Variants in RYK observed in about 807,000 individuals in gnomAD.
RYK encodes the protein inactive tyrosine-protein kinase RYK.
A neutral mutation model predicts 70.2 loss-of-function variants in RYK; 21 were observed. The ratio of observed to expected loss-of-function variants is 0.30; its 90% CI spans 0.21 to 0.43. RYK has a LOEUF of 0.43. Among genes scored for constraint, RYK ranks in the 20% least tolerant of loss-of-function variants. The pLI is 1.00. For missense variants in RYK, 604 were observed against 753.3 expected (o/e 0.80, Z 2.32); for synonymous variants, 267 against 278.0 (o/e 0.96, Z 0.39).
chr3:134,172,194 G>A (rs974064299), intron 13 of RYK, among the ~76,000 whole-genome samples: 1 of 152,070 alleles, frequency 6.6e-6, no homozygotes, highest in Non-Finnish European at 1.5e-5. Context: ...AAAGAGACGA[G>A]TGAATCCATC....
In RYK at chr3:134,186,709, CT is replaced by C. The variant is rs1028029564; in HGVS notation, c.1102+2127del. Among the ~76,000 whole-genome samples, 6 of 152,266 alleles carry C rather than the reference CT, an allele frequency of 3.9e-5. No homozygotes were observed. The East Asian group carries it at 9.6e-4, about 24-fold the overall frequency. Reference sequence around the variant, plus strand: ...TATCTTGTGAAACAGTCCAAGTATACTCATTGTGTTTTCTTATCACTATTAT... The same window carrying C: ...TATCTTGTGAAACAGTCCAAGTATACCATTGTGTTTTCTTATCACTATTAT... On this transcript the variant is annotated intron_variant, in intron 9 of 14. Transcript: ENST00000623711.
chr3:134,209,898 C>A, intron 3 of RYK, 69 bp from the exon 4 acceptor site: 8 of 1,114,534 alleles, frequency 7.2e-6, no homozygotes, highest in Non-Finnish European at 1.0e-5. Flanking sequence ...CAAAATGATT[C>A]TTTTAAACAT....
chr3:134,243,105 G>A (rs1274739747), intron 1 of RYK, among the ~76,000 whole-genome samples: 1 of 152,168 alleles, frequency 6.6e-6, no homozygotes, highest in African/African-American at 2.4e-5. Context: ...CTGAGATTTA[G>A]GAGAGAGGGG....
chr3:134,194,711 A>G (rs1030357057), intron 7 of RYK, among the ~76,000 whole-genome samples: 2 of 152,232 alleles, frequency 1.3e-5, no homozygotes, highest in African/African-American at 4.8e-5. Context: ...TAAGACCATC[A>G]AACAATTCCT....
intron 13 of RYK, among the ~76,000 whole-genome samples, chr3:134,164,465 C>G (rs955192620): frequency 3.3e-5 from 5 of 152,176 alleles, no homozygotes; most frequent in Non-Finnish European, 7.3e-5. Context: ...TGCTTTCTGT[C>G]ACTAGATAGT....
At chr3:134,241,102 G>T (rs933659960) in intron 1 of RYK, among the ~76,000 whole-genome samples, 1 of 148,764 alleles carries the variant, frequency 6.7e-6, no homozygotes, top group African/African-American at 2.5e-5. Context: ...AGGGTTGGTG[G>T]GGGAGGGAAA....
At chr3:134,163,345 C>G (rs1365701645) in intron 13 of RYK, among the ~76,000 whole-genome samples, 3 of 152,158 alleles carry the variant, frequency 2.0e-5, no homozygotes, top group Non-Finnish European at 4.4e-5. Flanking sequence ...TTTAGACAGA[C>G]TTATTCTATA....
chr3:134,224,509 G>A (rs1252543223), intron 1 of RYK, among the ~76,000 whole-genome samples: 1 of 152,232 alleles, frequency 6.6e-6, no homozygotes, highest in Non-Finnish European at 1.5e-5. Flanking sequence ...ATCGCAGGGA[G>A]ACGTTTAGGC....
At chr3:134,177,669 A>G (rs908021844) in intron 11 of RYK, among the ~76,000 whole-genome samples, 4 of 152,186 alleles carry the variant, frequency 2.6e-5, no homozygotes, top group African/African-American at 9.6e-5. Context: ...AACACCTAAG[A>G]TGGCATTACA....
At chr3:134,173,950 C>A (rs2013009522) in intron 13 of RYK, among the ~76,000 whole-genome samples, 1 of 152,146 alleles carries the variant, frequency 6.6e-6, no homozygotes, top group African/African-American at 2.4e-5. Flanking sequence ...TGCCCATGTC[C>A]TACTCCCTGA....
At chr3:134,187,859 T>G (rs112526371) in intron 9 of RYK, among the ~76,000 whole-genome samples, 19 of 151,892 alleles carry the variant, frequency 1.3e-4, no homozygotes, top group Admixed American at 2.6e-4. Flanking sequence ...TGCACCCAGC[T>G]CTTAATTCAG....
chr3:134,177,739 C>T (rs983568914), intron 11 of RYK, among the ~76,000 whole-genome samples: 3 of 151,988 alleles, frequency 2.0e-5, no homozygotes, highest in African/African-American at 7.3e-5. Flanking sequence ...ACTTCAGCAT[C>T]AGCACAGTGT....
chr3:134,191,854 T>C lies in RYK; in HGVS notation c.1010A>G (p.Gln337Arg). ...GACTTTGAGATAATAAATACCTTCT[T>C]GGAGTACATCTTTTAGAGTTATCCT... ...RERITLKDVL[Q>R]EGTFGRIFHG... The change falls in exon 8 of 15, where the codon CAA becomes CGA. Residue 337 changes from glutamine to arginine, a missense_variant. Coordinates refer to ENST00000623711, the MANE Select transcript of RYK (RefSeq NM_002958.4). 1 of 1,607,630 alleles carries C rather than the reference T, an allele frequency of 6.2e-7. No homozygotes were observed. The highest frequency in any genetic ancestry group is 8.5e-7 in the Non-Finnish European group (1 of 1,177,328).
At chr3:134,176,214 A>G (rs963283854) in intron 11 of RYK, among the ~76,000 whole-genome samples, 175 bp from the exon 12 acceptor site, 1 of 152,170 alleles carries the variant, frequency 6.6e-6, no homozygotes, top group Admixed American at 6.5e-5. Flanking sequence ...CCCTATACTT[A>G]TATCAACTGT....
intron 1 of RYK, among the ~76,000 whole-genome samples, chr3:134,249,006 G>A (rs1185683984): frequency 6.6e-6 from 1 of 151,968 alleles, no homozygotes; most frequent in Non-Finnish European, 1.5e-5. Flanking sequence ...CTCTGACTTT[G>A]TTTACCCATG....
chr3:134,180,393 C>T (rs1048814352), intron 10 of RYK: 2 of 152,122 alleles, frequency 1.3e-5, no homozygotes, highest in Non-Finnish European at 2.9e-5. Flanking sequence ...CACTTCAATA[C>T]GCGTACAATC....
At chr3:134,241,114 C>T (rs541432032) in intron 1 of RYK, among the ~76,000 whole-genome samples, 2 of 147,012 alleles carry the variant, frequency 1.4e-5, no homozygotes, top group South Asian at 4.3e-4. Flanking sequence ...GGAGGGAAAT[C>T]ACTTGAAGTC....
chr3:134,198,005 C>T (rs185011287), intron 6 of RYK, among the ~76,000 whole-genome samples: 19 of 152,160 alleles, frequency 1.2e-4, no homozygotes, highest in South Asian at 2.1e-4. Context: ...GTGGTCAGAA[C>T]GAAATTTTTT....
At chr3:134,167,559 C>CTGGATAGCCATATGTAGAAAGG (rs1462219147) in intron 13 of RYK, among the ~76,000 whole-genome samples, 3 of 152,172 alleles carry the variant, frequency 2.0e-5, no homozygotes, top group Non-Finnish European at 4.4e-5. Flanking sequence ...AAAGGTGAAA[C>CTGGATAGCCATATGTAGAAAGG]TGGATAGCCA....
Sources: gnomAD v4.1 joint callset for allele counts (sites outside exome capture counted in the v4.1 genomes callset) on GRCh38, gnomAD v4.1.1 for gene constraint, MANE v1.5 for transcripts, NCBI Gene and HGNC (gene_info 2026-07-23, HGNC 2026-07-21) for gene names.